ADAMTS14: variants seen among roughly 807,000 people sequenced by gnomAD.
The protein encoded by ADAMTS14 is A disintegrin and metalloproteinase with thrombospondin motifs 14.
Under a neutral mutation model 128.6 loss-of-function variants are expected in ADAMTS14, and 100 were observed. The observed-to-expected ratio is 0.78, with a 90% CI of 0.66 to 0.92. ADAMTS14 has a LOEUF of 0.92. ADAMTS14 is among the 40% of genes least tolerant of loss of function. ADAMTS14 has a pLI of 0.00. For missense variants in ADAMTS14, 1,562 were observed against 1,658.6 expected (o/e 0.94, Z 1.01); for synonymous variants, 665 against 653.8 (o/e 1.02, Z -0.26).
At chr10:70,718,858 CTTT>C (rs970686805) in intron 4 of ADAMTS14, among the ~76,000 whole-genome samples, 1 of 148,420 alleles carries the variant, frequency 6.7e-6, no homozygotes, top group African/African-American at 2.5e-5. Flanking sequence ...TCTTCTTCTT[CTTT>C]TTTTTTTAAT....
At chr10:70,703,767 T>C (rs1840566451) in intron 3 of ADAMTS14, among the ~76,000 whole-genome samples, 1 of 152,196 alleles carries the variant, frequency 6.6e-6, no homozygotes, top group Admixed American at 6.5e-5. Context: ...GCTGGGAAGC[T>C]GAGACCACTG....
At chr10:70,738,225 C>G (rs530979243) in intron 10 of ADAMTS14, among the ~76,000 whole-genome samples, 1 of 152,272 alleles carries the variant, frequency 6.6e-6, no homozygotes, top group South Asian at 2.1e-4. Context: ...GTTGAGCCCT[C>G]CCTTATTGCC....
At chr10:70,749,303 G>A (rs1842276940) in intron 15 of ADAMTS14, among the ~76,000 whole-genome samples, 1 of 152,218 alleles carries the variant, frequency 6.6e-6, no homozygotes. Context: ...GGCAGCAGCA[G>A]CCCTGCGAAC....
At chr10:70,748,535 A>T (rs553776326) in intron 15 of ADAMTS14, among the ~76,000 whole-genome samples, 2 of 151,996 alleles carry the variant, frequency 1.3e-5, no homozygotes, top group East Asian at 3.9e-4. Flanking sequence ...CCCCACCCTC[A>T]CCCTGCCCCT....
chr10:70,738,769 C>G, intron 10 of ADAMTS14, 73 bp from the exon 11 acceptor site: 1 of 1,601,836 alleles, frequency 6.2e-7, no homozygotes, highest in South Asian at 1.1e-5. Context: ...TCTTGCTATC[C>G]CTTTTTCTGG....
At chr10:70,736,908 G>A (rs1841846950) in intron 10 of ADAMTS14, 115 bp downstream of exon 10, 15 of 877,040 alleles carry the variant, frequency 1.7e-5, no homozygotes, top group Non-Finnish European at 2.7e-5. Flanking sequence ...GCTTATATGA[G>A]TTGAGGGTGG....
At position 70,725,827 on chromosome 10, in the gene ADAMTS14, T is replaced by C. The variant is rs943649046; in HGVS notation, c.871-3467T>C. On this transcript the variant is annotated intron_variant, in intron 4 of 21. Coordinates refer to ENST00000373207, the MANE Select transcript of ADAMTS14 (RefSeq NM_080722.4). ...GCCCCACGTGGCTCATGCCTTCCTC[T>C]CCCCTGCTGCAAGCCTCTGCCCCTC... Among the ~76,000 whole-genome samples, 20 of 152,208 alleles carry C rather than the reference T, an allele frequency of 1.3e-4. No homozygotes were observed. In the South Asian group the frequency reaches 1.5e-3, roughly 11 times the overall value.
intron 12 of ADAMTS14, among the ~76,000 whole-genome samples, chr10:70,743,236 A>G (rs1842061504): frequency 6.6e-6 from 1 of 152,276 alleles, no homozygotes; most frequent in South Asian, 2.1e-4. Flanking sequence ...TCTAGTACAT[A>G]GTAAGCATTC....
intron 15 of ADAMTS14, among the ~76,000 whole-genome samples, chr10:70,746,284 T>C (rs540315921): frequency 1.9e-4 from 29 of 152,284 alleles, no homozygotes; most frequent in African/African-American, 6.7e-4. Context: ...TAAATTTAAA[T>C]TAAGGCCATT....
At chr10:70,726,819 G>A (rs1841445810) in intron 4 of ADAMTS14, among the ~76,000 whole-genome samples, 1 of 152,178 alleles carries the variant, frequency 6.6e-6, no homozygotes, top group Admixed American at 6.5e-5. Flanking sequence ...ATAAGTCTAG[G>A]GTGTGTGGAT....
intron 2 of ADAMTS14, among the ~76,000 whole-genome samples, chr10:70,685,203 C>T (rs1459994303): frequency 6.6e-6 from 1 of 152,190 alleles, no homozygotes; most frequent in Non-Finnish European, 1.5e-5. Context: ...AGGGTGGGCT[C>T]TCAGTGAGGG....
chr10:70,729,643 C>G (rs1455987409), intron 5 of ADAMTS14, among the ~76,000 whole-genome samples: 6 of 152,106 alleles, frequency 3.9e-5, no homozygotes, highest in African/African-American at 7.2e-5. Context: ...CTGGGGCTTA[C>G]AGTGGGGTGG....
intron 2 of ADAMTS14, among the ~76,000 whole-genome samples, chr10:70,683,791 A>T (rs114336264): frequency 6.6e-6 from 1 of 151,980 alleles, no homozygotes; most frequent in Non-Finnish European, 1.5e-5. Flanking sequence ...CTTCTTTTAC[A>T]TGACCAGCAT....
In ADAMTS14 at chr10:70,689,109, G is replaced by A. The variant is rs571074756; in HGVS notation, c.523-13203G>A. Among the ~76,000 whole-genome samples the A allele has an allele frequency of 3.2e-4, 45 of 140,676 alleles. 3 individuals carry two copies. The highest frequency in any genetic ancestry group is 1.0e-3 in the African/African-American group (42 of 40,158). The allele number at this position is 140,676 out of a possible 152,430, so 92.3% of individuals were successfully genotyped here. On this transcript the variant is annotated intron_variant, in intron 2 of 21. Transcript: ENST00000373207. Reference sequence around the variant, plus strand: ...ACAGCCTGGCCGACTGCTGGCCTGGGTGCATCGTGCCTTTGAGGCTTTGTC... The same window carrying A: ...ACAGCCTGGCCGACTGCTGGCCTGGATGCATCGTGCCTTTGAGGCTTTGTC...
intron 2 of ADAMTS14, among the ~76,000 whole-genome samples, chr10:70,681,993 C>G (rs55784460): frequency 6.6e-6 from 1 of 152,262 alleles, no homozygotes; most frequent in African/African-American, 2.4e-5. Flanking sequence ...GGCTGGCCTG[C>G]TCTCGCCTCA....
intron 2 of ADAMTS14, among the ~76,000 whole-genome samples, chr10:70,685,226 C>T (rs1307155948): frequency 6.6e-6 from 1 of 152,200 alleles, no homozygotes; most frequent in Non-Finnish European, 1.5e-5. Context: ...CAGGAGATTC[C>T]ACATTCCCAG....
chr10:70,743,825 T>C, intron 13 of ADAMTS14, 144 bp downstream of exon 13: 1 of 1,293,718 alleles, frequency 7.7e-7, no homozygotes, highest in Non-Finnish European at 1.0e-6. Flanking sequence ...CCTGGGGTGC[T>C]GGAAGGGGCT....
At chr10:70,682,513 A>G (rs911172845) in intron 2 of ADAMTS14, among the ~76,000 whole-genome samples, 28 of 152,192 alleles carry the variant, frequency 1.8e-4, no homozygotes, top group Non-Finnish European at 2.5e-4. Flanking sequence ...GACCCTGAGC[A>G]GTTAGCTCAC....
rs185472393 is a variant in ADAMTS14 at position 70,741,545 on chromosome 10, G to A, written c.1924+383G>A. On this transcript the variant is annotated intron_variant, in intron 12 of 21. Transcript: ENST00000373207. ...TACCTGCAGGGAGAAGAATTATATA[G>A]GTGCAGGCGCCCTTCCCGTTGCATG... Among the ~76,000 whole-genome samples, 971 of 152,312 alleles carry A rather than the reference G, an allele frequency of 6.4e-3. 7 individuals carry two copies. The highest frequency in any genetic ancestry group is 0.02 in the Middle Eastern group (6 of 294).
Sources: allele counts gnomAD v4.1 joint callset (sites outside exome capture counted in the v4.1 genomes callset), GRCh38; gene constraint gnomAD v4.1.1; transcripts MANE v1.5; gene names NCBI Gene and HGNC (gene_info 2026-07-23, HGNC 2026-07-21).